The following PRKG1 variants were observed in gnomAD, a reference collection of about 807,000 sequenced individuals.
PRKG1 encodes cGMP-dependent protein kinase 1.
Under a neutral mutation model 88.1 loss-of-function variants are expected in PRKG1, and 35 were observed. The observed-to-expected ratio is 0.40, with a 90% confidence interval of 0.30 to 0.53. PRKG1 has a LOEUF of 0.53. PRKG1 is among the 20% of genes least tolerant of loss of function. The pLI, the probability that PRKG1 is intolerant of heterozygous loss-of-function variation, is 0.59. For missense variants in PRKG1, 540 were observed against 839.8 expected, an observed-to-expected ratio of 0.64 and a Z score of 4.41; for synonymous variants, 303 against 292.5, an observed-to-expected ratio of 1.04 and a Z score of -0.37.
chr10:52,217,869 C>T (rs572426726), intron 9 of PRKG1, among the ~76,000 whole-genome samples: 2 of 152,200 alleles, frequency 1.3e-5, no homozygotes, highest in African/African-American at 2.4e-5. Flanking sequence ...AATGAAACTC[C>T]TATTTTATCT....
At chr10:52,129,580 C>A (rs80266555) in intron 7 of PRKG1, among the ~76,000 whole-genome samples, 1,575 of 152,256 alleles carry the variant, frequency 0.01, 18 homozygotes, top group East Asian at 0.052. Flanking sequence ...GAGCTACAAG[C>A]ACCTTAATAA....
intron 5 of PRKG1, among the ~76,000 whole-genome samples, chr10:52,033,780 C>T (rs1845530678): frequency 6.6e-6 from 1 of 152,204 alleles, no homozygotes; most frequent in South Asian, 2.1e-4. Flanking sequence ...TGTGAACAGA[C>T]CACCAAACAG....
intron 1 of PRKG1, among the ~76,000 whole-genome samples, chr10:51,054,366 C>T (rs532383373): frequency 6.6e-6 from 1 of 152,156 alleles, no homozygotes; most frequent in Admixed American, 6.5e-5. Context: ...TTTGTTTAAA[C>T]TTTTTAAAAG....
At chr10:51,959,356 A>ATAT (rs1453706364) in intron 5 of PRKG1, among the ~76,000 whole-genome samples, 1 of 152,170 alleles carries the variant, frequency 6.6e-6, no homozygotes, top group Admixed American at 6.6e-5. Context: ...GCAGTCAAGG[A>ATAT]TATTACAGTT....
chr10:51,423,376 A>C (rs774906372), intron 2 of PRKG1, among the ~76,000 whole-genome samples: 8 of 152,324 alleles, frequency 5.3e-5, no homozygotes, highest in Admixed American at 2.0e-4. Context: ...AATGTTGAAG[A>C]AGAGATATTT....
chr10:51,682,154 GC>G (rs1171963959), intron 3 of PRKG1, among the ~76,000 whole-genome samples: 3 of 152,164 alleles, frequency 2.0e-5, no homozygotes, highest in Non-Finnish European at 4.4e-5. Flanking sequence ...GATTTCAGGA[GC>G]TTGAAACTTC....
At chr10:51,623,616 A>C (rs1165453143) in intron 3 of PRKG1, among the ~76,000 whole-genome samples, 1 of 152,214 alleles carries the variant, frequency 6.6e-6, no homozygotes, top group Non-Finnish European at 1.5e-5. Flanking sequence ...ATAGTTCTTA[A>C]GAAGGAAGAA....
chr10:51,601,366 G>T (rs1838594803), intron 3 of PRKG1, among the ~76,000 whole-genome samples: 1 of 152,132 alleles, frequency 6.6e-6, no homozygotes, highest in Non-Finnish European at 1.5e-5. Flanking sequence ...AGGGAGGAGT[G>T]GCTAACAATT....
intron 4 of PRKG1, among the ~76,000 whole-genome samples, chr10:51,826,574 A>G (rs1839887126): frequency 6.6e-6 from 1 of 152,152 alleles, no homozygotes; most frequent in Non-Finnish European, 1.5e-5. Flanking sequence ...AAATGTTTAT[A>G]TCTGCTGGAT....
At chr10:51,748,892 G>A (rs953684799) in intron 3 of PRKG1, among the ~76,000 whole-genome samples, 9 of 152,142 alleles carry the variant, frequency 5.9e-5, no homozygotes, top group Non-Finnish European at 1.3e-4. Flanking sequence ...ATTCTCGTAA[G>A]TTTATAGTTC....
At chr10:52,274,527 A>G (rs910684198) in intron 12 of PRKG1, among the ~76,000 whole-genome samples, 1 of 147,198 alleles carries the variant, frequency 6.8e-6, no homozygotes, top group Non-Finnish European at 1.5e-5. Flanking sequence ...TCATATATAT[A>G]TATATATACA....
intron 9 of PRKG1, among the ~76,000 whole-genome samples, chr10:52,178,881 G>A (rs1270006105): frequency 2.0e-5 from 3 of 150,134 alleles, no homozygotes; most frequent in Non-Finnish European, 3.0e-5. Flanking sequence ...GTCTGTGTGT[G>A]TCTTTACGGC....
At chr10:51,336,934 A>G (rs868414982) in intron 2 of PRKG1, among the ~76,000 whole-genome samples, 12 of 152,210 alleles carry the variant, frequency 7.9e-5, no homozygotes, top group African/African-American at 2.4e-4. Flanking sequence ...GGATCCAAAA[A>G]CAGAGCTCGT....
At chr10:51,983,331 G>T (rs1172445960) in intron 5 of PRKG1, among the ~76,000 whole-genome samples, 1 of 152,134 alleles carries the variant, frequency 6.6e-6, no homozygotes. Context: ...TATGTGGGAG[G>T]TGGCCATGGG....
At chr10:51,131,602 GCATA>G (rs904796664) in intron 1 of PRKG1, among the ~76,000 whole-genome samples, 3 of 151,966 alleles carry the variant, frequency 2.0e-5, no homozygotes, top group Non-Finnish European at 2.9e-5. Context: ...ATACATACGT[GCATA>G]CATACATACA....
chr10:51,796,265 A>C (rs1340123999), intron 3 of PRKG1, among the ~76,000 whole-genome samples: 1 of 152,100 alleles, frequency 6.6e-6, no homozygotes, highest in Non-Finnish European at 1.5e-5. Context: ...CAATATATAT[A>C]ATTTTATATT....
At chr10:51,223,803 G>A (rs1436827425) in intron 2 of PRKG1, among the ~76,000 whole-genome samples, 2 of 152,150 alleles carry the variant, frequency 1.3e-5, no homozygotes, top group African/African-American at 4.8e-5. Flanking sequence ...ACAGATAAAA[G>A]TATGTTGGCT....
chr10:52,150,266 G>T (rs1837876177), intron 8 of PRKG1, among the ~76,000 whole-genome samples: 1 of 151,744 alleles, frequency 6.6e-6, no homozygotes, highest in Non-Finnish European at 1.5e-5. Context: ...CTATTAACTA[G>T]ATCACCTCAG....
At chr10:52,157,329 ATATATATATG>A (rs1838147780) in intron 8 of PRKG1, among the ~76,000 whole-genome samples, 1 of 145,354 alleles carries the variant, frequency 6.9e-6, no homozygotes, top group African/African-American at 2.5e-5. Context: ...ATATATATAT[ATATATATATG>A]TATATATATG....
Sources: allele counts gnomAD v4.1 joint callset (sites outside exome capture counted in the v4.1 genomes callset), GRCh38; gene constraint gnomAD v4.1.1; transcripts MANE v1.5; gene names NCBI Gene and HGNC (gene_info 2026-07-23, HGNC 2026-07-21).